The following RAB13 variants were observed in gnomAD, a reference collection of about 807,000 sequenced individuals.
The protein encoded by RAB13 is ras-related protein Rab-13.
Under a neutral mutation model 29.3 loss-of-function variants are expected in RAB13, and 15 were observed. The observed-to-expected ratio is 0.51, with a 90% CI of 0.34 to 0.79. The LOEUF (loss-of-function observed/expected upper bound fraction) is 0.79. Ranked by LOEUF, RAB13 falls within the 30% of genes least tolerant of loss-of-function variation. RAB13 has a pLI of 0.01. For synonymous variants in RAB13, 82 were observed against 93.8 expected (o/e 0.87, Z 0.73); for missense variants, 186 against 255.5 (o/e 0.73, Z 1.85).
chr1:153,983,490 T>G, intron 3 of RAB13, 31 bp downstream of exon 3: 1 of 1,571,198 alleles, frequency 6.4e-7, no homozygotes, highest in Non-Finnish European at 8.8e-7. Flanking sequence ...AGCCTCATCC[T>G]TCATCCTTTG....
At position 153,983,279 on chromosome 1, in the gene RAB13, G is replaced by A. The variant is rs761761199; in HGVS notation, c.264C>T (p.Tyr88=). The change falls in exon 4 of 8, where the codon TAC becomes TAT. Residue 88 remains tyrosine (Y), a synonymous_variant. Transcript: ENST00000368575. The part of the protein sequence containing the change: ...YRGAMGIILV[Y]DITDEKSFEN... Reference sequence around the variant, plus strand: ...CGAAAGATTTCTCATCCGTGATGTCGTATACTAGGATAATGCCCTGGGAGA... The same window carrying A: ...CGAAAGATTTCTCATCCGTGATGTCATATACTAGGATAATGCCCTGGGAGA... 1.6e-5 allele frequency: 26 copies of A among 1,613,566 alleles called. No individual in the cohort carries two copies. In the South Asian group the frequency reaches 2.0e-4, roughly 12 times the overall value.
rs934837970 is a variant in RAB13, at chr1:153,984,794, G to A, written c.125-13C>T. 1.9e-6 allele frequency: 3 copies of A among 1,610,256 alleles called. No individual in the cohort carries two copies. Among genetic ancestry groups the A allele is most frequent in the Non-Finnish European group, 2.5e-6 (3 of 1,177,876 alleles). On this transcript the variant is annotated splice_polypyrimidine_tract_variant and intron_variant, in intron 1 of 7. Coordinates refer to ENST00000368575, the MANE Select transcript of RAB13 (RefSeq NM_002870.5). Reference sequence around the variant, plus strand: ...TTGAAATCAATTCCTAGGGGTGGAAGGTATGCACTGAAGTTGAGACATGCA... The same window carrying A: ...TTGAAATCAATTCCTAGGGGTGGAAAGTATGCACTGAAGTTGAGACATGCA...
chr1:153,986,434 C>T, upstream of RAB13: 1 of 570,568 alleles, frequency 1.8e-6, no homozygotes, highest in Non-Finnish European at 3.1e-6. Context: ...TTGAGCAGGC[C>T]AAGGCTGCCA....
At chr1:153,985,472 AG>A (rs1194980464) in intron 1 of RAB13, 1 of 657,202 alleles carries the variant, frequency 1.5e-6, no homozygotes, top group African/African-American at 2.0e-5. Flanking sequence ...CCCTGGGAGG[AG>A]GATGAGTCAC....
chr1:153,988,292 C>CTTT (rs1649246321), upstream of RAB13, among the ~76,000 whole-genome samples: 1 of 118,458 alleles, frequency 8.4e-6, no homozygotes. Flanking sequence ...ACGCCTGGCC[C>CTTT]TATTTTTTTT....
At chr1:153,988,731 A>G (rs1649259918), upstream of RAB13, among the ~76,000 whole-genome samples, 1 of 149,492 alleles carries the variant, frequency 6.7e-6, no homozygotes, top group Non-Finnish European at 1.5e-5. Flanking sequence ...CTCCTGCCTC[A>G]GCCTCGCGAG....
Sources: gnomAD v4.1 joint callset for allele counts (sites outside exome capture counted in the v4.1 genomes callset) on GRCh38, gnomAD v4.1.1 for gene constraint, MANE v1.5 for transcripts, NCBI Gene and HGNC (gene_info 2026-07-23, HGNC 2026-07-21) for gene names.